Variants in DARS2 observed in about 807,000 individuals in gnomAD.
DARS2 encodes the protein aspartyl-tRNA synthetase 2, mitochondrial, also known as aspartate--tRNA ligase, mitochondrial.
DARS2 carries 63 observed loss-of-function variants against 83.0 expected under a neutral mutation model. That is an observed-to-expected ratio of 0.76 (90% CI 0.62 to 0.94). The LOEUF (loss-of-function observed/expected upper bound fraction) is 0.94. DARS2 is among the 40% of genes least tolerant of loss of function. The pLI, the probability that DARS2 is intolerant of heterozygous loss-of-function variation, is 0.00. For missense variants in DARS2, 675 were observed against 774.4 expected (o/e 0.87, Z 1.52); for synonymous variants, 250 against 269.3 (o/e 0.93, Z 0.70).
rs1272565723 is a variant in DARS2, at chr1:173,824,868, C to A, written c.-362C>A. 3 of 338,292 alleles carry A rather than the reference C, an allele frequency of 8.9e-6. No individual in the cohort carries two copies. Among genetic ancestry groups the A allele is most frequent in the Non-Finnish European group, 1.7e-5 (3 of 172,058 alleles). 21.0% of individuals were successfully genotyped at this position (338,292 alleles called of 1,614,324 possible). ...GAGAAGCGTGGAAAGAGGAGAAGGGCGTATACCTTGTGACCGCCTCTGGTT... is the reference window on the plus strand; with the variant it reads ...GAGAAGCGTGGAAAGAGGAGAAGGGAGTATACCTTGTGACCGCCTCTGGTT... On this transcript the variant is annotated 5_prime_UTR_variant, in exon 1 of 17. Transcript: ENST00000649689.
intron 11 of DARS2, among the ~76,000 whole-genome samples, chr1:173,844,448 T>C (rs1468742561): frequency 6.6e-6 from 1 of 151,874 alleles, no homozygotes; most frequent in Non-Finnish European, 1.5e-5. Context: ...GGCTGGCCAA[T>C]CACATGAGGT....
At position 173,830,761 on chromosome 1, in the gene DARS2, A is replaced by G. The variant is rs1330437327; in HGVS notation, c.396A>G (p.Pro132=). The G allele has an allele frequency of 1.2e-6, 2 of 1,612,550 alleles. No homozygotes were observed. The highest frequency in any genetic ancestry group is 8.5e-7 in the Non-Finnish European group (1 of 1,178,752). The change falls in exon 4 of 17, where the codon CCA becomes CCG. Residue 132 remains proline, a splice_region_variant and synonymous_variant. Transcript: ENST00000649689. ...VISRPAGQEN[P]KMPTGEIEIK... is the part of the protein sequence containing the mutation. ...CCCGTCCTGCAGGACAAGAGAATCC[A>G]GTAGGTAGTTTCGAAGATATCTGTG...
At chr1:173,825,620 G>C (rs1487668527) in intron 1 of DARS2, among the ~76,000 whole-genome samples, 1 of 151,426 alleles carries the variant, frequency 6.6e-6, no homozygotes, top group Non-Finnish European at 1.5e-5. Context: ...AGGCGCCCGC[G>C]ACCACGCCCG....
At chr1:173,838,367 C>G in intron 9 of DARS2, 108 bp downstream of exon 9, 1 of 802,784 alleles carries the variant, frequency 1.2e-6, no homozygotes. Flanking sequence ...ACATTTTATC[C>G]ATCAGATATT....
chr1:173,848,511 A>C (rs962194873), intron 12 of DARS2, among the ~76,000 whole-genome samples: 6 of 152,206 alleles, frequency 3.9e-5, no homozygotes, highest in Non-Finnish European at 8.8e-5. Context: ...TGAACTTTTT[A>C]CTTTATTTCA....
chr1:173,830,673 TGAA>T lies in DARS2; in HGVS notation c.314_316del (p.Lys105del), dbSNP rs1200817381. On this transcript the variant is annotated inframe_deletion, in exon 4 of 17. Transcript: ENST00000649689. ...CTTGTTCTGTAGTCGGCAGCCTCTG[TGAA>T]GAAGATTTTATGTGAAGCCCCTGTG... is the stretch of plus-strand genomic sequence containing the variant. 5 of 1,613,916 alleles carry T rather than the reference TGAA, an allele frequency of 3.1e-6. No individual in the cohort carries two copies. The highest frequency in any genetic ancestry group is 1.3e-5 in the African/African-American group (1 of 75,054).
intron 5 of DARS2, 79 bp downstream of exon 5, chr1:173,831,709 A>C (rs1003317137): frequency 8.5e-6 from 10 of 1,174,340 alleles, no homozygotes; most frequent in Non-Finnish European, 1.3e-5. Flanking sequence ...AGTTTTTTAA[A>C]GAAAAGTTTA....
chr1:173,836,910 G>GTCTTCTC (rs761747163), intron 7 of DARS2, 30 bp from the exon 8 acceptor site: 293 of 1,588,096 alleles, frequency 1.8e-4, no homozygotes, highest in Non-Finnish European at 2.4e-4. Flanking sequence ...TTAATAATCT[G>GTCTTCTC]TCTTCTCTCT....
intron 13 of DARS2, among the ~76,000 whole-genome samples, chr1:173,853,058 C>T (rs371239280): frequency 1.1e-3 from 163 of 152,250 alleles, no homozygotes; most frequent in African/African-American, 3.2e-3. Context: ...CAGAGAAGTT[C>T]GTAATTAGCC....
At position 173,840,844 on chromosome 1, in the gene DARS2, C is replaced by T. The variant is rs749720580; in HGVS notation, c.1021-22C>T. On this transcript the variant is annotated intron_variant, in intron 10 of 16. Transcript: ENST00000649689. ...AAAATTACTTCATATTTAGTTATCT[C>T]TTTTTGTTACCCATTTTCCAGATTA... The T allele has an allele frequency of 1.8e-5, 25 of 1,356,294 alleles. No homozygotes were observed. In the Admixed American group the frequency reaches 4.2e-4, roughly 23 times the overall value. 84.0% of individuals were successfully genotyped at this position (1,356,294 alleles called of 1,614,324 possible).
At chr1:173,847,103 T>G (rs1345905312) in intron 12 of DARS2, among the ~76,000 whole-genome samples, 1 of 152,128 alleles carries the variant, frequency 6.6e-6, no homozygotes, top group Non-Finnish European at 1.5e-5. Context: ...TAAGTAGATT[T>G]TTATATAAGA....
chr1:173,845,421 CTTTTTATTTTAT>C, intron 12 of DARS2, 130 bp downstream of exon 12: 1 of 587,906 alleles, frequency 1.7e-6, no homozygotes, highest in Non-Finnish European at 3.0e-6. Context: ...CTTTTATTTA[CTTTTTATTTTAT>C]TTATATATTT....
At chr1:173,834,340 G>A (rs537855746) in intron 6 of DARS2, 133 bp from the exon 7 acceptor site, 1 of 700,276 alleles carries the variant, frequency 1.4e-6, no homozygotes, top group South Asian at 1.6e-5. Context: ...AGCACCAGTA[G>A]GCTTGGTAGC....
intron 15 of DARS2, 131 bp from the exon 16 acceptor site, chr1:173,856,535 T>A (rs1481947115): frequency 1.3e-6 from 1 of 757,598 alleles, no homozygotes; most frequent in Non-Finnish European, 2.2e-6. Context: ...CAATAAACTT[T>A]TATTATTGGT....
intron 7 of DARS2, among the ~76,000 whole-genome samples, chr1:173,835,819 C>T (rs1652982393): frequency 6.6e-6 from 1 of 151,800 alleles, no homozygotes; most frequent in African/African-American, 2.4e-5. Flanking sequence ...TTTGGGAGGC[C>T]GAAGCAGATG....
At position 173,833,363 on chromosome 1, in the gene DARS2, T is replaced by A; in HGVS notation, c.493-13T>A. On this transcript the variant is annotated splice_polypyrimidine_tract_variant and intron_variant, in intron 5 of 16. Transcript: ENST00000649689. ...AAAAATATTTAAATATAAAAATCTT[T>A]CAATTTCTTTAGAAAACAGAGGCTC... The A allele has an allele frequency of 6.4e-7, 1 of 1,553,478 alleles. No homozygotes were observed. Among genetic ancestry groups the A allele is most frequent in the Non-Finnish European group, 8.7e-7 (1 of 1,149,828 alleles).
chr1:173,834,732 G>GTTTTTTTTTTTTT, intron 7 of DARS2, among the ~76,000 whole-genome samples: 4 of 21,688 alleles, frequency 1.8e-4, no homozygotes, highest in African/African-American at 1.8e-4. Context: ...GAGTTTTTTT[G>GTTTTTTTTTTTTT]TTTTTTTTTT....
chr1:173,827,763 G>T lies in DARS2; in HGVS notation c.228-570G>T, dbSNP rs1317380425. ...GCTGAGGATAGTATGAGAAATAGAG[G>T]TTGGATGTTAAAATGTTGGCATTTC... is the stretch of plus-strand genomic sequence containing the variant. On this transcript the variant is annotated intron_variant, in intron 2 of 16. Coordinates refer to ENST00000649689, the MANE Select transcript of DARS2 (RefSeq NM_018122.5). 2.0e-5 allele frequency among the ~76,000 whole-genome samples: 3 copies of T among 152,186 alleles called. No individual in the cohort carries two copies. The East Asian group carries it at 5.8e-4, about 29-fold the overall frequency.
At position 173,830,660 on chromosome 1, in the gene DARS2, T is replaced by A. The variant is rs376537017; in HGVS notation, c.295T>A (p.Ser99Thr). Residue 99 changes from serine (S) to threonine (T), a missense_variant and splice_region_variant, in exon 4 of 17, where the codon TCG (serine) becomes ACG (threonine). Coordinates refer to ENST00000649689, the MANE Select transcript of DARS2 (RefSeq NM_018122.5). ...AACTCTTTTCCCCCTTGTTCTGTAG[T>A]CGGCAGCCTCTGTGAAGAAGATTTT... Reference protein sequence around the residue: ...LVQVIIPQDESAASVKKILCE... With the variant: ...LVQVIIPQDETAASVKKILCE... The A allele has an allele frequency of 1.9e-6, 3 of 1,613,052 alleles. No individual in the cohort carries two copies. The highest frequency in any genetic ancestry group is 1.1e-5 in the South Asian group (1 of 91,062).
Sources: gnomAD v4.1 joint callset for allele counts (sites outside exome capture counted in the v4.1 genomes callset) on GRCh38, gnomAD v4.1.1 for gene constraint, MANE v1.5 for transcripts, NCBI Gene and HGNC (gene_info 2026-07-23, HGNC 2026-07-21) for gene names.